Variants in PDE10A observed in about 807,000 individuals in gnomAD.
PDE10A encodes the protein cAMP and cAMP-inhibited cGMP 3',5'-cyclic phosphodiesterase 10A.
In PDE10A, 39 loss-of-function variants were observed where a neutral mutation model predicts 97.7. The ratio of observed to expected loss-of-function variants is 0.40; its 90% CI spans 0.31 to 0.52. The LOEUF is 0.52. PDE10A is among the 20% of genes least tolerant of loss of function. The pLI is 0.56. For missense variants in PDE10A, 731 were observed against 1,047.8 expected, an observed-to-expected ratio of 0.70 and a Z score of 4.17; for synonymous variants, 371 against 376.8, an observed-to-expected ratio of 0.98 and a Z score of 0.18.
intron 2 of PDE10A, among the ~76,000 whole-genome samples, chr6:165,529,183 G>A (rs1394774573): frequency 6.6e-6 from 1 of 152,186 alleles, no homozygotes; most frequent in African/African-American, 2.4e-5. Context: ...AACAAGCTAA[G>A]AATGGAGTTA....
Position 165,769,455 on chromosome 6 carries a change from T to C in PDE10A, c.-615+218074A>G, listed in dbSNP as rs111392856. 5.0e-3 allele frequency among the ~76,000 whole-genome samples: 769 copies of C among 152,282 alleles called. 7 individuals are homozygous for C. The highest frequency in any genetic ancestry group is 0.018 in the African/African-American group (741 of 41,556). On this transcript the variant is annotated intron_variant, in intron 1 of 19. Transcript: ENST00000366882. The stretch of plus-strand genomic sequence containing the variant: ...TAGTGAAAAGTTGGGGTATAGCTCT[T>C]GGGGCAATTTGTATTGGTGAATTTA...
At chr6:165,703,284 T>C (rs1239815843) in intron 1 of PDE10A, among the ~76,000 whole-genome samples, 1 of 152,204 alleles carries the variant, frequency 6.6e-6, no homozygotes, top group African/African-American at 2.4e-5. Context: ...AGAAGGACCA[T>C]CTCAGGCCCT....
chr6:165,403,405 C>T (rs182449391), intron 13 of PDE10A, among the ~76,000 whole-genome samples: 84 of 152,214 alleles, frequency 5.5e-4, no homozygotes, highest in African/African-American at 1.8e-3. Flanking sequence ...AGGGAATGTA[C>T]GCCAGAGAAA....
At chr6:165,929,779 A>G (rs1006143631) in intron 1 of PDE10A, among the ~76,000 whole-genome samples, 2 of 152,248 alleles carry the variant, frequency 1.3e-5, no homozygotes, top group South Asian at 4.1e-4. Flanking sequence ...CCCATCACCT[A>G]GCACCGGGCT....
At chr6:165,566,312 T>C (rs9348014) in intron 1 of PDE10A, among the ~76,000 whole-genome samples, 4,987 of 151,998 alleles carry the variant, frequency 0.033, 313 homozygotes, top group East Asian at 0.31. Flanking sequence ...GATGAGCAAA[T>C]GAAAAGATGC....
At chr6:165,790,337 CA>C (rs1562737960) in intron 1 of PDE10A, among the ~76,000 whole-genome samples, 2 of 152,110 alleles carry the variant, frequency 1.3e-5, no homozygotes, top group South Asian at 2.1e-4. Context: ...AAATACATAT[CA>C]GAAAAGATTT....
chr6:165,949,365 G>A (rs1320603084), intron 1 of PDE10A: 2 of 152,242 alleles, frequency 1.3e-5, no homozygotes, highest in Admixed American at 6.5e-5. Context: ...CATGGCAGAT[G>A]CCCTGGAAGG....
intron 1 of PDE10A, among the ~76,000 whole-genome samples, chr6:165,608,072 ATG>A (rs1562625071): frequency 2.0e-5 from 3 of 148,000 alleles, no homozygotes; most frequent in African/African-American, 7.4e-5. Context: ...GTATATATAT[ATG>A]TATATATGTA....
At chr6:165,802,146 C>T (rs1166610410) in intron 1 of PDE10A, among the ~76,000 whole-genome samples, 2 of 152,210 alleles carry the variant, frequency 1.3e-5, no homozygotes, top group Non-Finnish European at 2.9e-5. Context: ...TGAGTGTCTT[C>T]TCCTCTCTCC....
intron 1 of PDE10A, among the ~76,000 whole-genome samples, chr6:165,884,403 T>TC (rs1266521475): frequency 6.6e-6 from 1 of 152,116 alleles, no homozygotes; most frequent in Non-Finnish European, 1.5e-5. Context: ...GGAATGCAGG[T>TC]CCTGGACAGC....
intron 1 of PDE10A, among the ~76,000 whole-genome samples, chr6:165,569,408 G>C (rs1784942433): frequency 6.6e-6 from 1 of 152,176 alleles, no homozygotes; most frequent in Non-Finnish European, 1.5e-5. Context: ...AGTGTTGTAA[G>C]ACTGTGTCAA....
intron 1 of PDE10A, among the ~76,000 whole-genome samples, chr6:165,912,254 T>C (rs1782484300): frequency 6.6e-6 from 1 of 152,156 alleles, no homozygotes; most frequent in South Asian, 2.1e-4. Flanking sequence ...TATACATACA[T>C]ACATATATAC....
chr6:165,535,374 C>A (rs1480090300), intron 2 of PDE10A, among the ~76,000 whole-genome samples: 1 of 151,760 alleles, frequency 6.6e-6, no homozygotes, highest in Non-Finnish European at 1.5e-5. Flanking sequence ...TACTCTCCTC[C>A]CAATCTTCCA....
chr6:165,386,838 TA>T lies in PDE10A; in HGVS notation c.2610+1459del, dbSNP rs1296726151. ...TAACACAATGAAACCCCAGCTCTAC[TA>T]AAAAAAAAAAAAATACAAAAAAAAA... On this transcript the variant is annotated intron_variant, in intron 17 of 21. Transcript: ENST00000539869. Among the ~76,000 whole-genome samples the T allele has an allele frequency of 6.8e-3, 774 of 113,174 alleles. 3 individuals carry two copies. The highest frequency in any genetic ancestry group is 0.019 in the Middle Eastern group (4 of 208). 74.2% of individuals were successfully genotyped at this position (113,174 alleles called of 152,430 possible).
chr6:165,543,528 G>C lies in PDE10A; in HGVS notation c.906C>G (p.His302Gln). 6.2e-7 allele frequency: 1 copy of C among 1,610,610 alleles called. No individual in the cohort carries two copies. The change falls in exon 2 of 22, where the codon CAC becomes CAG. Residue 302 changes from histidine (H) to glutamine (Q), a missense_variant. Physicochemically the swap from His to Gln is conservative, Grantham distance 24 (BLOSUM62 0). Transcript: ENST00000539869. Reference protein sequence around the residue: ...DEKVKAYLSLHPQVLDEFVSE... With the variant: ...DEKVKAYLSLQPQVLDEFVSE... ...ATACAAATTCATCTAATACCTGGGG[G>C]TGAAGAGAAAGATATGCCTTCACTT...
At chr6:165,539,003 T>C (rs1330254809) in intron 2 of PDE10A, among the ~76,000 whole-genome samples, 1 of 152,218 alleles carries the variant, frequency 6.6e-6, no homozygotes, top group Non-Finnish European at 1.5e-5. Flanking sequence ...TCAAAATGAA[T>C]GTATAGTCGT....
intron 18 of PDE10A, among the ~76,000 whole-genome samples, chr6:165,367,901 A>T (rs909770425): frequency 2.6e-5 from 4 of 152,236 alleles, no homozygotes; most frequent in African/African-American, 9.6e-5. Flanking sequence ...GCTCAAATGA[A>T]ATGATAGAAG....
intron 1 of PDE10A, among the ~76,000 whole-genome samples, chr6:165,985,459 C>G (rs1289589082): frequency 6.6e-6 from 1 of 152,206 alleles, no homozygotes; most frequent in Non-Finnish European, 1.5e-5. Context: ...ATTGCTTTCA[C>G]CACCACGTCT....
At chr6:165,987,721 C>A in exon 1 of PDE10A, 1 of 456,756 alleles carries the variant, frequency 2.2e-6, no homozygotes, top group South Asian at 1.5e-5. Context: ...GGGACCTGTC[C>A]ACCACGCTCG....
Sources: allele counts gnomAD v4.1 joint callset (sites outside exome capture counted in the v4.1 genomes callset), GRCh38; gene constraint gnomAD v4.1.1; transcripts MANE v1.5; gene names NCBI Gene and HGNC (gene_info 2026-07-23, HGNC 2026-07-21).